The following ERAP2 variants were observed in gnomAD, a reference collection of about 807,000 sequenced individuals.
The protein encoded by ERAP2 is leukocyte-derived arginine aminopeptidase.
ERAP2 carries 118 observed loss-of-function variants against 111.1 expected under a neutral mutation model. The observed-to-expected ratio is 1.06, with a 90% CI of 0.92 to 1.24. The LOEUF (loss-of-function observed/expected upper bound fraction) is 1.24. Among genes scored for constraint, ERAP2 ranks in the 50% most tolerant of loss-of-function variants. ERAP2 has a pLI of 0.00. For synonymous variants in ERAP2, 410 were observed against 401.2 expected, an observed-to-expected ratio of 1.02 and a Z score of -0.26; for missense variants, 1,131 against 1,125.8, an observed-to-expected ratio of 1.00 and a Z score of -0.07.
At position 96,900,125 on chromosome 5, in the gene ERAP2, G is replaced by C. The variant is rs1378580463; in HGVS notation, c.1508G>C (p.Cys503Ser). The C allele has an allele frequency of 6.2e-7, 1 of 1,613,814 alleles. No homozygotes were observed. Among genetic ancestry groups the C allele is most frequent in the Non-Finnish European group, 8.5e-7 (1 of 1,179,840 alleles). The change falls in exon 10 of 19, where the codon TGT (cysteine) becomes TCT (serine). Residue 503 changes from cysteine to serine, a missense_variant. Transcript: ENST00000437043. ...DDLWSSLSNS[C>S]LESDFTSGGV... ...TCTTTTGTTCTTGTTTTGTAGAGTT[G>C]TTTAGAAAGTGATTTTACATCTGGT...
intron 10 of ERAP2, among the ~76,000 whole-genome samples, chr5:96,900,864 A>C (rs1785376157): frequency 6.6e-6 from 1 of 152,090 alleles, no homozygotes. Flanking sequence ...TTTTCAGTAG[A>C]GATGGGGTTT....
chr5:96,906,140 G>A (rs1238940824), intron 13 of ERAP2, among the ~76,000 whole-genome samples: 3 of 151,718 alleles, frequency 2.0e-5, no homozygotes, highest in African/African-American at 7.3e-5. Context: ...GTCATCCAAG[G>A]GCTGTCTCCA....
chr5:96,881,802 A>G (rs1783162527), intron 2 of ERAP2, among the ~76,000 whole-genome samples: 1 of 152,164 alleles, frequency 6.6e-6, no homozygotes, highest in African/African-American at 2.4e-5. Flanking sequence ...AAAAAGAAAC[A>G]TTCCACTTGA....
At chr5:96,890,861 G>C (rs1230997794) in intron 5 of ERAP2, among the ~76,000 whole-genome samples, 1 of 152,068 alleles carries the variant, frequency 6.6e-6, no homozygotes, top group Non-Finnish European at 1.5e-5. Flanking sequence ...TAGATCAAAA[G>C]TCAAGGAAAG....
intron 4 of ERAP2, among the ~76,000 whole-genome samples, chr5:96,887,837 G>C (rs913563702): frequency 2.6e-5 from 4 of 152,124 alleles, no homozygotes; most frequent in Admixed American, 2.6e-4. Flanking sequence ...TTTGAAAAAT[G>C]GGCATAGGCC....
chr5:96,892,434 C>G lies in ERAP2; in HGVS notation c.1106C>G (p.Ala369Gly), dbSNP rs1314998447. 1 of 1,613,976 alleles carries G rather than the reference C, an allele frequency of 6.2e-7. No individual in the cohort carries two copies. The highest frequency in any genetic ancestry group is 2.2e-5 in the East Asian group (1 of 44,874). The change falls in exon 6 of 19, where the codon GCC (alanine) becomes GGC (glycine). Residue 369 changes from alanine (A) to glycine (G), a missense_variant. Ala to Gly is a moderately conservative substitution (Grantham distance 60, BLOSUM62 0). Coordinates refer to ENST00000437043, the MANE Select transcript of ERAP2 (RefSeq NM_022350.5). ...AAACTGTGGGTCACCAGAGTCATAG[C>G]CCATGAACTGGCGCACCAGGTACTT... ...SDKLWVTRVI[A>G]HELAHQWFGN...
At position 96,901,668 on chromosome 5, in the gene ERAP2, G is replaced by T. The variant is rs1785484686; in HGVS notation, c.1735G>T (p.Ala579Ser). 6.2e-7 allele frequency: 1 copy of T among 1,613,694 alleles called. No homozygotes were observed. Among genetic ancestry groups the T allele is most frequent in the African/African-American group, 1.3e-5 (1 of 74,890 alleles). Residue 579 changes from alanine to serine, a missense_variant, in exon 11 of 19, where the codon GCC becomes TCC. Ala to Ser is a moderately conservative substitution (Grantham distance 99). Coordinates refer to ENST00000437043, the MANE Select transcript of ERAP2 (RefSeq NM_022350.5). ...TTTCCAGGAAGACCCTGAATGGAGG[G>T]CCCTGCAGGAGAGGTGGCTGCTTTT... ...GVFQEDPEWR[A>S]LQERYLWHIP...
At chr5:96,880,698 A>G (rs1236948221) in intron 2 of ERAP2, among the ~76,000 whole-genome samples, 1 of 151,348 alleles carries the variant, frequency 6.6e-6, no homozygotes, top group Non-Finnish European at 1.5e-5. Flanking sequence ...ATAGTCAGAA[A>G]CAAGGAACTA....
At chr5:96,885,728 G>C (rs933198343) in intron 3 of ERAP2, among the ~76,000 whole-genome samples, 2 of 144,882 alleles carry the variant, frequency 1.4e-5, no homozygotes, top group African/African-American at 4.9e-5. Context: ...TCTAGGAGTT[G>C]TGACTAGCTT....
chr5:96,912,258 T>C lies in ERAP2; in HGVS notation c.2355-379T>C, dbSNP rs565191444. On this transcript the variant is annotated intron_variant, in intron 15 of 18. Coordinates refer to ENST00000437043, the MANE Select transcript of ERAP2 (RefSeq NM_022350.5). ...TTGGTGATAAAAAAGCATCAAGTAA[T>C]CATCTTTAAAAAAAAAATCTTATAG... 4.1e-5 allele frequency among the ~76,000 whole-genome samples: 6 copies of C among 146,894 alleles called. No individual in the cohort carries two copies. The South Asian group carries it at 1.1e-3, about 27-fold the overall frequency.
chr5:96,914,058 A>G (rs1787103144), intron 17 of ERAP2, among the ~76,000 whole-genome samples: 1 of 152,246 alleles, frequency 6.6e-6, no homozygotes, highest in South Asian at 2.1e-4. Context: ...TGGATCTAAA[A>G]TATCCCTCAG....
intron 12 of ERAP2, 91 bp downstream of exon 12, chr5:96,902,444 A>T: frequency 1.4e-6 from 1 of 732,124 alleles, no homozygotes; most frequent in East Asian, 2.7e-5. Context: ...AGTAAATCTA[A>T]CAATAAAAGA....
At chr5:96,890,250 G>A (rs1258167761) in intron 5 of ERAP2, among the ~76,000 whole-genome samples, 1 of 152,204 alleles carries the variant, frequency 6.6e-6, no homozygotes, top group African/African-American at 2.4e-5. Flanking sequence ...TGGGTGGATG[G>A]TTTTTGGATG....
intron 2 of ERAP2, chr5:96,881,011 C>T (rs1217133640): frequency 6.3e-6 from 1 of 158,536 alleles, no homozygotes; most frequent in Non-Finnish European, 1.4e-5. Context: ...TTTAAAGAGA[C>T]AGTTATGAGA....
chr5:96,913,370 C>A lies in ERAP2; in HGVS notation c.2570C>A (p.Ala857Asp), dbSNP rs1261001705. ...GTTATCAAGACACAGAACTTGGCAG[C>A]TCTCCTTCATGCGATTGCCAGACGT... Reference protein sequence around the residue: ...GKVIKTQNLAALLHAIARRPK... With the variant: ...GKVIKTQNLADLLHAIARRPK... Residue 857 changes from alanine to aspartate, a missense_variant, in exon 17 of 19, where the codon GCT becomes GAT. Transcript: ENST00000437043. The A allele has an allele frequency of 6.2e-7, 1 of 1,613,998 alleles. No individual in the cohort carries two copies.
chr5:96,892,335 T>G lies in ERAP2; in HGVS notation c.1007T>G (p.Met336Arg), dbSNP rs777784116. The G allele has an allele frequency of 6.2e-7, 1 of 1,613,858 alleles. No homozygotes were observed. Among genetic ancestry groups the G allele is most frequent in the African/African-American group, 1.3e-5 (1 of 74,910 alleles). Residue 336 changes from methionine (M) to arginine (R), a missense_variant, in exon 6 of 19, where the codon ATG (methionine) becomes AGG (arginine). Met to Arg is a moderately conservative substitution (Grantham distance 91). Transcript: ENST00000437043. ...IAIPDFAPGAMENWGLITYRE... is the reference protein window; with the variant it reads ...IAIPDFAPGARENWGLITYRE... Reference sequence around the variant, plus strand: ...ATTCCTGACTTTGCACCTGGAGCCATGGAAAATTGGGGCCTCATTACATAT... The same window carrying G: ...ATTCCTGACTTTGCACCTGGAGCCAGGGAAAATTGGGGCCTCATTACATAT...
At chr5:96,884,690 T>G (rs1783541962) in intron 3 of ERAP2, among the ~76,000 whole-genome samples, 1 of 152,182 alleles carries the variant, frequency 6.6e-6, no homozygotes, top group South Asian at 2.1e-4. Flanking sequence ...CCCAAGTAGC[T>G]GGGATTACAG....
intron 15 of ERAP2, 119 bp downstream of exon 15, chr5:96,909,883 C>T: frequency 1.0e-6 from 1 of 959,164 alleles, no homozygotes; most frequent in Non-Finnish European, 1.5e-6. Context: ...ACATGCTGGG[C>T]ATTACAAACC....
At chr5:96,880,503 A>G (rs1171584886) in intron 2 of ERAP2, among the ~76,000 whole-genome samples, 1 of 152,224 alleles carries the variant, frequency 6.6e-6, no homozygotes, top group East Asian at 1.9e-4. Context: ...TATGACTGAT[A>G]TGATAGATAT....
Sources: gnomAD v4.1 joint callset for allele counts (sites outside exome capture counted in the v4.1 genomes callset) on GRCh38, gnomAD v4.1.1 for gene constraint, MANE v1.5 for transcripts, NCBI Gene and HGNC (gene_info 2026-07-23, HGNC 2026-07-21) for gene names.